ASMTL: variants seen among roughly 807,000 people sequenced by gnomAD.
ASMTL encodes probable bifunctional dTTP/UTP pyrophosphatase/methyltransferase protein.
Under a neutral mutation model 60.3 loss-of-function variants are expected in ASMTL, and 57 were observed. The ratio of observed to expected loss-of-function variants is 0.95; its 90% confidence interval spans 0.76 to 1.18. The LOEUF is 1.18. ASMTL is among the 50% of genes most tolerant of loss of function. ASMTL has a pLI of 0.00. For missense variants in ASMTL, 981 were observed against 852.6 expected (o/e 1.15, Z -1.88); for synonymous variants, 419 against 373.0 (o/e 1.12, Z -1.42).
intron 5 of ASMTL, among the ~76,000 whole-genome samples, chrX:1,434,430 C>T (rs1428301168): frequency 6.7e-6 from 1 of 149,280 alleles, no homozygotes; most frequent in African/African-American, 2.5e-5. Context: ...GTCGAGGCTG[C>T]AGTGAGCTAT....
intron 1 of ASMTL, among the ~76,000 whole-genome samples, chrX:1,448,390 G>A (rs1213636595): frequency 6.9e-6 from 1 of 145,672 alleles, no homozygotes; most frequent in Admixed American, 6.9e-5. Context: ...CCACCATCTT[G>A]GACACACCGC....
At chrX:1,453,041 AC>A (rs368002650), upstream of ASMTL, 711 of 480,550 alleles carry the variant, frequency 1.5e-3, 3 homozygotes, top group African/African-American at 0.028. Flanking sequence ...TCCATTGAAC[AC>A]TCCGTCAGGC....
chrX:1,453,264 C>G (rs1306583737), upstream of ASMTL, among the ~76,000 whole-genome samples: 2 of 147,398 alleles, frequency 1.4e-5, no homozygotes, highest in African/African-American at 2.5e-5. Context: ...GGCCACACCT[C>G]CTTGCCCTCT....
Position 1,403,440 on chromosome X carries a change from C to A in ASMTL, c.1695G>T (p.Val565=). Residue 565 remains valine, a synonymous_variant, in exon 13 of 13, where the codon GTG becomes GTT. Transcript: ENST00000381317. ...VETLLDEEKR[V]AQRALMQSLN... ...GTGACTGCATCAGGGCGCGCTGCGCCACCCTCTTCTCCTCATCCAGGAGCG... is the reference window on the plus strand; with the variant it reads ...GTGACTGCATCAGGGCGCGCTGCGCAACCCTCTTCTCCTCATCCAGGAGCG... The A allele has an allele frequency of 6.2e-7, 1 of 1,613,268 alleles. No individual in the cohort carries two copies. Among genetic ancestry groups the A allele is most frequent in the African/African-American group, 1.3e-5 (1 of 75,058 alleles).
At chrX:1,428,901 AT>A in intron 6 of ASMTL, among the ~76,000 whole-genome samples, 1 of 149,256 alleles carries the variant, frequency 6.7e-6, no homozygotes, top group Admixed American at 6.8e-5. Flanking sequence ...TTTATTTTTT[AT>A]TTTTATTTTT....
intron 1 of ASMTL, among the ~76,000 whole-genome samples, chrX:1,450,828 C>G (rs5949199): frequency 0.57 from 68,697 of 121,522 alleles, 20,863 homozygotes; most frequent in African/African-American, 0.72. Context: ...CATCCCTAGG[C>G]GGTACTGGAT....
At chrX:1,448,236 GCCATCTTGGATAAGCACCA>G (rs1259360340) in intron 1 of ASMTL, among the ~76,000 whole-genome samples, 1 of 143,162 alleles carries the variant, frequency 7.0e-6, no homozygotes, top group Admixed American at 7.1e-5. Flanking sequence ...GACACACACT[GCCATCTTGGATAAGCACCA>G]CCATCTTGGA....
chrX:1,437,939 A>G (rs1198485609), intron 3 of ASMTL, among the ~76,000 whole-genome samples: 3 of 150,500 alleles, frequency 2.0e-5, no homozygotes, highest in African/African-American at 7.4e-5. Context: ...TAGGTAATTA[A>G]GATGCGGTTG....
intron 12 of ASMTL, among the ~76,000 whole-genome samples, chrX:1,407,750 G>A (rs1162081449): frequency 6.6e-6 from 1 of 151,846 alleles, no homozygotes; most frequent in East Asian, 1.9e-4. Flanking sequence ...GATGATAGAT[G>A]TATAAAGAGA....
chrX:1,430,734 T>G (rs1342962714), intron 6 of ASMTL, among the ~76,000 whole-genome samples: 1 of 149,084 alleles, frequency 6.7e-6, no homozygotes, highest in African/African-American at 2.6e-5. Flanking sequence ...ACTGTACCAC[T>G]GCACTCCAGC....
At chrX:1,421,550 C>T in intron 9 of ASMTL, 108 bp downstream of exon 9, 1 of 1,231,248 alleles carries the variant, frequency 8.1e-7, no homozygotes, top group Non-Finnish European at 1.2e-6. Flanking sequence ...CCTTTGGGAT[C>T]TGTCAGACTG....
At chrX:1,433,544 T>A (rs1292420400) in intron 5 of ASMTL, among the ~76,000 whole-genome samples, 1 of 136,016 alleles carries the variant, frequency 7.4e-6, no homozygotes, top group East Asian at 2.1e-4. Flanking sequence ...TAGCCGGGCG[T>A]GGTGGCGGGC....
chrX:1,443,130 C>CAT (rs1370768330), intron 1 of ASMTL, among the ~76,000 whole-genome samples: 3 of 151,718 alleles, frequency 2.0e-5, no homozygotes, highest in African/African-American at 7.2e-5. Context: ...ACACCGCCGT[C>CAT]GTGGACACAC....
At chrX:1,443,274 A>G (rs62635785) in intron 1 of ASMTL, among the ~76,000 whole-genome samples, 7,588 of 10,326 alleles carry the variant, frequency 0.73, 2,632 homozygotes, top group Middle Eastern at 1. Flanking sequence ...TTGGACACAC[A>G]CCGCCATCAT....
intron 5 of ASMTL, 81 bp from the exon 6 acceptor site, chrX:1,432,458 G>C: frequency 9.6e-7 from 1 of 1,037,338 alleles, no homozygotes; most frequent in African/African-American, 1.6e-5. Context: ...GCTGTGCTGT[G>C]GAGGTGTGTA....
chrX:1,432,805 G>A (rs1294460695), intron 5 of ASMTL, among the ~76,000 whole-genome samples: 2 of 152,150 alleles, frequency 1.3e-5, no homozygotes, highest in Non-Finnish European at 2.9e-5. Context: ...TTCCAGCCTG[G>A]GCCACAGAGC....
At chrX:1,416,589 A>G (rs1348808307) in intron 11 of ASMTL, among the ~76,000 whole-genome samples, 2 of 147,950 alleles carry the variant, frequency 1.4e-5, no homozygotes, top group African/African-American at 2.5e-5. Flanking sequence ...ACACACAGAC[A>G]TACACACATA....
chrX:1,420,939 A>G (rs5949032), intron 9 of ASMTL, among the ~76,000 whole-genome samples: 97,048 of 150,190 alleles, frequency 0.65, 33,166 homozygotes, highest in South Asian at 0.87. Context: ...TAGCTGCCTA[A>G]TCATACCTGG....
intron 9 of ASMTL, among the ~76,000 whole-genome samples, chrX:1,420,942 A>G (rs2090469005): frequency 6.8e-6 from 1 of 146,518 alleles, no homozygotes; most frequent in Non-Finnish European, 1.5e-5. Flanking sequence ...CTGCCTAATC[A>G]TACCTGGCTA....
Sources: allele counts gnomAD v4.1 joint callset (sites outside exome capture counted in the v4.1 genomes callset), GRCh38; gene constraint gnomAD v4.1.1; transcripts MANE v1.5; gene names NCBI Gene and HGNC (gene_info 2026-07-23, HGNC 2026-07-21).